The following ERICH3 variants were observed in gnomAD, a reference collection of about 807,000 sequenced individuals.
ERICH3 encodes glutamate-rich protein 3.
Under a neutral mutation model 131.1 loss-of-function variants are expected in ERICH3, and 126 were observed. That is an observed-to-expected ratio of 0.96 (90% confidence interval 0.83 to 1.11). The LOEUF (loss-of-function observed/expected upper bound fraction) is 1.11, where lower values mean the gene tolerates loss of function less well. ERICH3 is among the 50% of genes most tolerant of loss of function. The pLI is 0.00. For synonymous variants in ERICH3, 695 were observed against 644.6 expected, an observed-to-expected ratio of 1.08 and a Z score of -1.18; for missense variants, 2,050 against 1,810.7, an observed-to-expected ratio of 1.13 and a Z score of -2.40.
At chr1:74,638,680 T>C (rs1646412364) in intron 5 of ERICH3, among the ~76,000 whole-genome samples, 1 of 152,168 alleles carries the variant, frequency 6.6e-6, no homozygotes, top group Non-Finnish European at 1.5e-5. Context: ...TCTGTGTAGA[T>C]GTATGTCTCA....
chr1:74,662,552 TATC>T (rs1490594973), intron 1 of ERICH3, among the ~76,000 whole-genome samples: 1 of 152,060 alleles, frequency 6.6e-6, no homozygotes, highest in Admixed American at 6.6e-5. Flanking sequence ...TGAAGGCAAA[TATC>T]ATTTTGTTAA....
intron 1 of ERICH3, among the ~76,000 whole-genome samples, chr1:74,672,752 GATATTCTCCCTTCCAAT>G (rs71800828): frequency 0.17 from 26,060 of 151,574 alleles, 3,415 homozygotes; most frequent in East Asian, 0.62. Flanking sequence ...GAGGAAATTG[GATATTCTCCCTTCCAAT>G]AAAAAAAGAA....
chr1:74,641,212 A>G (rs1474389340), intron 5 of ERICH3, 119 bp downstream of exon 5: 1 of 1,158,852 alleles, frequency 8.6e-7, no homozygotes, highest in Non-Finnish European at 1.2e-6. Flanking sequence ...CTATATTTTC[A>G]TTCAGTAGGA....
At chr1:74,577,151 C>A (rs1570803819) in intron 12 of ERICH3, 2 of 445,682 alleles carry the variant, frequency 4.5e-6, no homozygotes, top group Non-Finnish European at 7.9e-6. Context: ...TCAATATATT[C>A]AAAAAATAAT....
chr1:74,672,464 C>T (rs746941431), intron 1 of ERICH3, among the ~76,000 whole-genome samples: 5 of 152,142 alleles, frequency 3.3e-5, no homozygotes, highest in Admixed American at 6.6e-5. Flanking sequence ...TTTTCATTTA[C>T]GCCATTACAC....
chr1:74,652,983 G>A (rs1234277798), intron 1 of ERICH3, among the ~76,000 whole-genome samples: 1 of 152,106 alleles, frequency 6.6e-6, no homozygotes, highest in African/African-American at 2.4e-5. Context: ...TCACTTCAGT[G>A]CACACACCAC....
In ERICH3 at chr1:74,606,832, T is replaced by C. The variant is rs1171979129; in HGVS notation, c.1258A>G (p.Lys420Glu). 3.1e-6 allele frequency: 5 copies of C among 1,613,168 alleles called. No homozygotes were observed. The highest frequency in any genetic ancestry group is 1.7e-6 in the Non-Finnish European group (2 of 1,179,418). The change falls in exon 10 of 15, where the codon AAA (lysine) becomes GAA (glutamate). Residue 420 changes from lysine (K) to glutamate (E), a missense_variant. Lys to Glu is a moderately conservative substitution (Grantham distance 56). Transcript: ENST00000326665. ...PKSRKEKSTE[K>E]GEELKKAEGK... ...TCAGCCTTCTTCAGTTCCTCTCCTT[T>C]CTCAGTGCTCTTTTCTTTCCTAGAT...
At chr1:74,587,024 C>T (rs17095642) in intron 12 of ERICH3, among the ~76,000 whole-genome samples, 4,048 of 152,096 alleles carry the variant, frequency 0.027, 155 homozygotes, top group African/African-American at 0.083. Flanking sequence ...ACATATATTA[C>T]GGCTTAACAA....
intron 1 of ERICH3, among the ~76,000 whole-genome samples, chr1:74,651,634 A>AT (rs1474574619): frequency 6.6e-6 from 1 of 152,114 alleles, no homozygotes; most frequent in Non-Finnish European, 1.5e-5. Flanking sequence ...CAGTTCACAG[A>AT]TTCTTAAGAT....
chr1:74,673,101 T>C (rs968581962), intron 1 of ERICH3, among the ~76,000 whole-genome samples: 2 of 152,158 alleles, frequency 1.3e-5, no homozygotes, highest in Non-Finnish European at 2.9e-5. Context: ...TGAGAATGCA[T>C]CTCTCATTCT....
chr1:74,637,989 ATAG>A (rs1414229693), intron 5 of ERICH3, among the ~76,000 whole-genome samples: 1 of 152,164 alleles, frequency 6.6e-6, no homozygotes, highest in Non-Finnish European at 1.5e-5. Context: ...ATGCAATAAA[ATAG>A]TAGAAAGTCT....
intron 9 of ERICH3, among the ~76,000 whole-genome samples, chr1:74,611,570 C>T (rs763383660): frequency 3.9e-5 from 6 of 152,116 alleles, no homozygotes; most frequent in Non-Finnish European, 8.8e-5. Flanking sequence ...TTGCAATGAC[C>T]ATAGGACTCT....
chr1:74,658,312 A>T (rs1302575732), intron 1 of ERICH3, among the ~76,000 whole-genome samples: 2 of 152,174 alleles, frequency 1.3e-5, no homozygotes, highest in East Asian at 3.9e-4. Flanking sequence ...TTTGTTCAAA[A>T]CACATGCTGA....
intron 1 of ERICH3, among the ~76,000 whole-genome samples, chr1:74,672,087 T>C (rs1646748047): frequency 6.6e-6 from 1 of 152,220 alleles, no homozygotes; most frequent in South Asian, 2.1e-4. Context: ...GTTTAATCAA[T>C]AGCTACATTT....
intron 3 of ERICH3, among the ~76,000 whole-genome samples, chr1:74,646,116 T>G (rs1192246431): frequency 2.0e-5 from 3 of 152,100 alleles, no homozygotes; most frequent in African/African-American, 7.2e-5. Context: ...ATGCTTGGTT[T>G]GTGCATCTAT....
At chr1:74,611,890 C>T (rs1187412361) in intron 9 of ERICH3, among the ~76,000 whole-genome samples, 1 of 152,188 alleles carries the variant, frequency 6.6e-6, no homozygotes, top group African/African-American at 2.4e-5. Flanking sequence ...CTGACCATCT[C>T]ACATATATTA....
intron 1 of ERICH3, among the ~76,000 whole-genome samples, chr1:74,664,468 T>A (rs1005035262): frequency 1.3e-5 from 2 of 152,156 alleles, no homozygotes; most frequent in Non-Finnish European, 2.9e-5. Flanking sequence ...AAACAGCTTC[T>A]TTGTATGAGA....
chr1:74,649,352 G>A (rs1479276943), intron 1 of ERICH3, 37 bp from the exon 2 acceptor site: 4 of 1,524,538 alleles, frequency 2.6e-6, no homozygotes, highest in Non-Finnish European at 3.6e-6. Context: ...GCTTTTACAA[G>A]GGGTTGTTTG....
chr1:74,582,501 C>A (rs1052096280), intron 12 of ERICH3, among the ~76,000 whole-genome samples: 2 of 152,088 alleles, frequency 1.3e-5, no homozygotes, highest in Non-Finnish European at 2.9e-5. Flanking sequence ...TTCATATTAC[C>A]AAATGACATA....
Sources: gnomAD v4.1 joint callset for allele counts (sites outside exome capture counted in the v4.1 genomes callset) on GRCh38, gnomAD v4.1.1 for gene constraint, MANE v1.5 for transcripts, NCBI Gene and HGNC (gene_info 2026-07-23, HGNC 2026-07-21) for gene names.